Variants in NELL1 observed in about 807,000 individuals in gnomAD.
The protein encoded by NELL1 is protein kinase C-binding protein NELL1.
Under a neutral mutation model 107.4 loss-of-function variants are expected in NELL1, and 76 were observed. The ratio of observed to expected loss-of-function variants is 0.71; its 90% CI spans 0.59 to 0.86. NELL1 has a LOEUF of 0.86. Among genes scored for constraint, NELL1 ranks in the 40% least tolerant of loss-of-function variants. The pLI is 0.00. For synonymous variants in NELL1, 353 were observed against 341.2 expected (o/e 1.03, Z -0.38); for missense variants, 1,024 against 1,005.5 (o/e 1.02, Z -0.25).
intron 12 of NELL1, among the ~76,000 whole-genome samples, chr11:20,981,847 A>G (rs2134244870): frequency 6.6e-6 from 1 of 152,332 alleles, no homozygotes; most frequent in Admixed American, 6.5e-5. Context: ...CAGAGAAAAT[A>G]TATGGCTTCA....
chr11:21,063,347 A>G (rs1590599864), intron 12 of NELL1, among the ~76,000 whole-genome samples: 1 of 152,042 alleles, frequency 6.6e-6, no homozygotes, highest in African/African-American at 2.4e-5. Flanking sequence ...GTTTTATTGG[A>G]GTTTTATTAC....
At chr11:21,045,712 T>A (rs555941088) in intron 12 of NELL1, among the ~76,000 whole-genome samples, 1 of 152,184 alleles carries the variant, frequency 6.6e-6, no homozygotes, top group African/African-American at 2.4e-5. Flanking sequence ...ACCATTGCAG[T>A]CTTCCAGACT....
intron 14 of NELL1, among the ~76,000 whole-genome samples, chr11:21,290,388 A>AAAATAAAT (rs1554995031): frequency 6.5e-5 from 7 of 107,328 alleles, no homozygotes; most frequent in African/African-American, 2.5e-4. Context: ...ATAAATAAAT[A>AAAATAAAT]AAATAAATAG....
chr11:20,820,488 T>A (rs1304069867), intron 3 of NELL1, among the ~76,000 whole-genome samples: 1 of 152,172 alleles, frequency 6.6e-6, no homozygotes, highest in Non-Finnish European at 1.5e-5. Flanking sequence ...ATCATGTCAC[T>A]CCTTTGGTTA....
chr11:20,675,240 G>A (rs1854024502), intron 1 of NELL1, among the ~76,000 whole-genome samples: 1 of 152,164 alleles, frequency 6.6e-6, no homozygotes, highest in African/African-American at 2.4e-5. Flanking sequence ...ATCAAGAGAT[G>A]GGGAGGTTTA....
chr11:20,789,325 G>T (rs1362627400), intron 3 of NELL1, among the ~76,000 whole-genome samples: 1 of 152,214 alleles, frequency 6.6e-6, no homozygotes, highest in Admixed American at 6.5e-5. Flanking sequence ...CTGCTGCCAC[G>T]GGGTGGGCAG....
At chr11:21,499,687 AG>A (rs1310496855) in intron 15 of NELL1, among the ~76,000 whole-genome samples, 3 of 152,118 alleles carry the variant, frequency 2.0e-5, no homozygotes, top group African/African-American at 4.8e-5. Context: ...TTCTGCCCTT[AG>A]GGAGAGAGGA....
chr11:20,908,806 T>C (rs760109743), intron 5 of NELL1, among the ~76,000 whole-genome samples: 9 of 152,176 alleles, frequency 5.9e-5, no homozygotes, highest in Non-Finnish European at 1.0e-4. Context: ...TTACATGTAA[T>C]CCAGCAATTC....
At chr11:20,715,178 G>A (rs1205312980) in intron 2 of NELL1, among the ~76,000 whole-genome samples, 7 of 152,056 alleles carry the variant, frequency 4.6e-5, no homozygotes, top group Admixed American at 4.6e-4. Flanking sequence ...CCAGGAGGTG[G>A]AGCTTGCAGT....
chr11:21,274,549 C>G (rs1269678278), intron 14 of NELL1, among the ~76,000 whole-genome samples: 1 of 152,162 alleles, frequency 6.6e-6, no homozygotes, highest in African/African-American at 2.4e-5. Context: ...CCAAGCGGAC[C>G]TAATAGACAT....
At chr11:21,454,385 A>T (rs1853668429) in intron 15 of NELL1, among the ~76,000 whole-genome samples, 1 of 151,922 alleles carries the variant, frequency 6.6e-6, no homozygotes, top group Admixed American at 6.6e-5. Flanking sequence ...GCCGCAATAA[A>T]CATACGTGTG....
At chr11:21,426,866 C>A (rs538356893) in intron 15 of NELL1, among the ~76,000 whole-genome samples, 4 of 152,094 alleles carry the variant, frequency 2.6e-5, no homozygotes, top group Non-Finnish European at 5.9e-5. Flanking sequence ...AAGAGAATTA[C>A]GACATAGTCC....
At chr11:21,077,084 G>A (rs1385908093) in intron 12 of NELL1, among the ~76,000 whole-genome samples, 1 of 152,062 alleles carries the variant, frequency 6.6e-6, no homozygotes, top group Middle Eastern at 3.2e-3. Flanking sequence ...TATGGAAAGG[G>A]CAAATAATAG....
At chr11:20,887,896 T>C (rs943239743) in intron 5 of NELL1, among the ~76,000 whole-genome samples, 1 of 151,884 alleles carries the variant, frequency 6.6e-6, no homozygotes, top group Non-Finnish European at 1.5e-5. Flanking sequence ...CGAATGACAG[T>C]GGAAAGAAAC....
intron 12 of NELL1, among the ~76,000 whole-genome samples, chr11:21,070,741 A>G (rs1853991798): frequency 6.6e-6 from 1 of 152,148 alleles, no homozygotes; most frequent in Non-Finnish European, 1.5e-5. Context: ...GATGAGTTGC[A>G]GAGCAACCAT....
At chr11:21,556,727 A>G (rs944706056) in intron 16 of NELL1, among the ~76,000 whole-genome samples, 6 of 152,098 alleles carry the variant, frequency 3.9e-5, no homozygotes, top group Non-Finnish European at 8.8e-5. Context: ...AATTAGTTCT[A>G]ATGCAAGCTT....
intron 14 of NELL1, among the ~76,000 whole-genome samples, chr11:21,338,622 T>C (rs1278338796): frequency 6.6e-6 from 1 of 152,152 alleles, no homozygotes; most frequent in Non-Finnish European, 1.5e-5. Flanking sequence ...CTCTGAATCC[T>C]CATAAAATAG....
chr11:21,219,073 G>A (rs1002692244), intron 13 of NELL1, among the ~76,000 whole-genome samples: 3 of 152,056 alleles, frequency 2.0e-5, no homozygotes, highest in Non-Finnish European at 2.9e-5. Flanking sequence ...TTTTTGATAA[G>A]GGTTGTACTA....
intron 2 of NELL1, among the ~76,000 whole-genome samples, chr11:20,756,133 G>GC (rs1856281241): frequency 6.6e-6 from 1 of 151,734 alleles, no homozygotes; most frequent in African/African-American, 2.4e-5. Flanking sequence ...GCCTGCCTCG[G>GC]CCCCCCAAAG....
Sources: allele counts gnomAD v4.1 joint callset (sites outside exome capture counted in the v4.1 genomes callset), GRCh38; gene constraint gnomAD v4.1.1; transcripts MANE v1.5; gene names NCBI Gene and HGNC (gene_info 2026-07-23, HGNC 2026-07-21).